SOS1: variants seen among roughly 807,000 people sequenced by gnomAD.
The protein encoded by SOS1 is son of sevenless homolog 1.
A neutral mutation model predicts 157.6 loss-of-function variants in SOS1; 25 were observed. That is an observed-to-expected ratio of 0.16 (90% CI 0.12 to 0.22). SOS1 has a LOEUF of 0.22. SOS1 is among the 10% of genes least tolerant of loss of function. The probability of loss-of-function intolerance (pLI) is 1.00; values close to 1 mark genes in which losing one functional copy is unlikely to be tolerated. For missense variants in SOS1, 1,237 were observed against 1,599.1 expected, an observed-to-expected ratio of 0.77 and a Z score of 3.86; for synonymous variants, 528 against 534.0, an observed-to-expected ratio of 0.99 and a Z score of 0.16.
chr2:39,063,191 T>C (rs1671470668), intron 2 of SOS1, among the ~76,000 whole-genome samples: 1 of 152,100 alleles, frequency 6.6e-6, no homozygotes, highest in African/African-American at 2.4e-5. Flanking sequence ...GGCATGATCA[T>C]AGCTTCCTGC....
chr2:39,060,242 C>T (rs944434742), intron 2 of SOS1, among the ~76,000 whole-genome samples: 4 of 152,158 alleles, frequency 2.6e-5, no homozygotes, highest in Non-Finnish European at 5.9e-5. Context: ...CAAACCTAAT[C>T]ATGTTATGAC....
At chr2:39,025,258 CCAA>C (rs1669918267) in intron 8 of SOS1, among the ~76,000 whole-genome samples, 1 of 152,020 alleles carries the variant, frequency 6.6e-6, no homozygotes, top group African/African-American at 2.4e-5. Context: ...GAGTTTTCAT[CCAA>C]CAATTTAGGA....
chr2:39,069,969 C>T (rs972184938), intron 1 of SOS1, among the ~76,000 whole-genome samples: 4 of 152,186 alleles, frequency 2.6e-5, no homozygotes, highest in African/African-American at 9.6e-5. Context: ...TATAATTTAT[C>T]TGTTTACAAG....
At chr2:39,089,261 T>C (rs1220442295) in intron 1 of SOS1, among the ~76,000 whole-genome samples, 1 of 152,154 alleles carries the variant, frequency 6.6e-6, no homozygotes, top group East Asian at 1.9e-4. Flanking sequence ...CAGTGGCCCA[T>C]ACCTGTAATC....
intron 6 of SOS1, among the ~76,000 whole-genome samples, chr2:39,040,424 C>A (rs1670529401): frequency 6.6e-6 from 1 of 152,128 alleles, no homozygotes; most frequent in East Asian, 1.9e-4. Flanking sequence ...CGGTCCATTT[C>A]CAGATCTGAA....
At position 38,995,399 on chromosome 2, in the gene SOS1, T is replaced by G; in HGVS notation, c.3082-12A>C. On this transcript the variant is annotated splice_polypyrimidine_tract_variant and intron_variant, in intron 19 of 22. Transcript: ENST00000402219. ...CTATATTTTTTTGGCTGTAGACATA[T>G]CAAAAGAAACACAATACTTTAAACA... 3 of 1,609,856 alleles carry G rather than the reference T, an allele frequency of 1.9e-6. No homozygotes were observed. The highest frequency in any genetic ancestry group is 2.5e-6 in the Non-Finnish European group (3 of 1,176,520).
intron 6 of SOS1, among the ~76,000 whole-genome samples, chr2:39,048,808 T>C (rs1016788957): frequency 3.3e-5 from 5 of 152,236 alleles, no homozygotes; most frequent in African/African-American, 1.2e-4. Context: ...ATTTTTGATT[T>C]GGGAACTAAT....
In SOS1 at chr2:39,022,758, G is replaced by C. The variant is rs1245953394; in HGVS notation, c.1670C>G (p.Thr557Arg). 1 of 1,613,586 alleles carries C rather than the reference G, an allele frequency of 6.2e-7. No homozygotes were observed. The highest frequency in any genetic ancestry group is 8.5e-7 in the Non-Finnish European group (1 of 1,179,640). The change falls in exon 10 of 23, where the codon ACA becomes AGA. Residue 557 changes from threonine (T) to arginine (R), a missense_variant. By Grantham distance (71) the Thr-to-Arg change is moderately conservative (BLOSUM62 -1). Transcript: ENST00000402219. ...RSTLERMLDVTMLQEEKEEQM... is the reference protein window; with the variant it reads ...RSTLERMLDVRMLQEEKEEQM... ...CTCCTCTTTCTCTTCCTGTAGCATTGTTACATCAAGCATCCTTTCCAGTGT... is the reference window on the plus strand; with the variant it reads ...CTCCTCTTTCTCTTCCTGTAGCATTCTTACATCAAGCATCCTTTCCAGTGT...
chr2:39,006,936 T>C (rs2124502946), intron 16 of SOS1, 95 bp downstream of exon 16: 1 of 849,436 alleles, frequency 1.2e-6, no homozygotes, highest in South Asian at 1.4e-5. Context: ...AAAAGACAAA[T>C]GAGACATTTA....
intron 17 of SOS1, among the ~76,000 whole-genome samples, chr2:38,998,863 C>G (rs1668991633): frequency 6.6e-6 from 1 of 152,128 alleles, no homozygotes; most frequent in South Asian, 2.1e-4. Context: ...TGCTGTAAGC[C>G]AAGTCCTGCA....
At position 39,120,864 on chromosome 2, in the gene SOS1, G is replaced by A. The variant is rs1457506401; in HGVS notation, c.-442C>T. On this transcript the variant is annotated 5_prime_UTR_variant, in exon 1 of 23. Coordinates refer to ENST00000402219, the MANE Select transcript of SOS1 (RefSeq NM_005633.4). ...CCGCGGCGCCCGCTCCGCGTAGTTG[G>A]GACTCCGAAACGCAAGAGCCCCGGG... The A allele has an allele frequency of 6.5e-6, 1 of 152,758 alleles. No homozygotes were observed. Among genetic ancestry groups the A allele is most frequent in the Non-Finnish European group, 1.5e-5 (1 of 68,236 alleles). 9.5% of individuals were successfully genotyped at this position (152,758 alleles called of 1,614,324 possible).
chr2:39,094,731 C>A (rs1558510672), intron 1 of SOS1, among the ~76,000 whole-genome samples: 1 of 152,114 alleles, frequency 6.6e-6, no homozygotes. Flanking sequence ...CTACTATCTA[C>A]CAATCTAAGA....
At chr2:39,055,212 G>A (rs1049667344) in intron 4 of SOS1, among the ~76,000 whole-genome samples, 3 of 151,850 alleles carry the variant, frequency 2.0e-5, no homozygotes, top group Non-Finnish European at 4.4e-5. Context: ...CTGTCTATTC[G>A]GCCGATTTTC....
chr2:39,064,937 T>C (rs1189018987), intron 2 of SOS1, among the ~76,000 whole-genome samples: 1 of 150,720 alleles, frequency 6.6e-6, no homozygotes, highest in African/African-American at 2.4e-5. Flanking sequence ...TTTTTTTTTT[T>C]AGTAGAGATG....
At position 39,022,946 on chromosome 2, in the gene SOS1, A is replaced by C. The variant is rs560485707; in HGVS notation, c.1482T>G (p.Phe494Leu). The change falls in exon 10 of 23, where the codon TTT becomes TTG. Residue 494 changes from phenylalanine to leucine, a missense_variant. Phe to Leu is a conservative substitution (Grantham distance 22). This residue lies in a region of SOS1 where 210 missense variants were observed against 220.2 expected (regional missense o/e 0.95). Coordinates refer to ENST00000402219, the MANE Select transcript of SOS1 (RefSeq NM_005633.4). ...CATTAATTTGTACCTTTCGCATAAAAAACTTTTCTTTAAGACGATATTCTG... is the reference window on the plus strand; with the variant it reads ...CATTAATTTGTACCTTTCGCATAAACAACTTTTCTTTAAGACGATATTCTG... Reference protein sequence around the residue: ...SNAEYRLKEKFFMRKVQINDK... With the variant: ...SNAEYRLKEKLFMRKVQINDK... 2 of 1,613,778 alleles carry C rather than the reference A, an allele frequency of 1.2e-6. No homozygotes were observed. The highest frequency in any genetic ancestry group is 3.3e-5 in the Admixed American group (2 of 59,986).
chr2:39,059,443 C>T (rs1344586265), intron 2 of SOS1, among the ~76,000 whole-genome samples: 1 of 152,112 alleles, frequency 6.6e-6, no homozygotes, highest in Non-Finnish European at 1.5e-5. Context: ...ACTATCACAG[C>T]TGAATTTCCT....
At chr2:39,040,046 CTG>C (rs1230298891) in intron 6 of SOS1, among the ~76,000 whole-genome samples, 1 of 152,042 alleles carries the variant, frequency 6.6e-6, no homozygotes, top group Non-Finnish European at 1.5e-5. Flanking sequence ...GAGTCTTGCT[CTG>C]TCGCCCAGGC....
intron 9 of SOS1, 37 bp downstream of exon 9, chr2:39,023,973 G>A: frequency 6.8e-7 from 1 of 1,479,886 alleles, no homozygotes; most frequent in Admixed American, 1.7e-5. Flanking sequence ...ACAATATTCA[G>A]GGAAAAAAGG....
intron 1 of SOS1, among the ~76,000 whole-genome samples, chr2:39,101,490 A>T (rs1558513511): frequency 6.6e-6 from 1 of 152,222 alleles, no homozygotes; most frequent in Non-Finnish European, 1.5e-5. Context: ...CTTTATGCAT[A>T]GCATTATATG....
Sources: gnomAD v4.1 joint callset for allele counts (sites outside exome capture counted in the v4.1 genomes callset) on GRCh38, gnomAD v4.1.1 for gene constraint, gnomAD v4.1.1 regional missense constraint, MANE v1.5 for transcripts, NCBI Gene and HGNC (gene_info 2026-07-23, HGNC 2026-07-21) for gene names.